Variants in MYLK3 observed in about 807,000 individuals in gnomAD.
MYLK3 encodes the protein myosin light chain kinase 3.
MYLK3 carries 55 observed loss-of-function variants against 76.3 expected under a neutral mutation model. That is an observed-to-expected ratio of 0.72 (90% confidence interval 0.58 to 0.90). The LOEUF (loss-of-function observed/expected upper bound fraction) is 0.90, where lower values mean the gene tolerates loss of function less well. Ranked by LOEUF, MYLK3 falls within the 40% of genes least tolerant of loss-of-function variation. The probability of loss-of-function intolerance (pLI) is 0.00; values close to 1 mark genes in which losing one functional copy is unlikely to be tolerated. For missense variants in MYLK3, 973 were observed against 1,053.6 expected, an observed-to-expected ratio of 0.92 and a Z score of 1.06; for synonymous variants, 416 against 425.4, an observed-to-expected ratio of 0.98 and a Z score of 0.27.
At chr16:46,709,721 C>T (rs1966663840) in intron 11 of MYLK3, 50 bp from the exon 12 acceptor site, 4 of 1,593,756 alleles carry the variant, frequency 2.5e-6, no homozygotes, top group African/African-American at 2.7e-5. Context: ...TGCCTTTTCT[C>T]ATCCAAAAAT....
In MYLK3 at chr16:46,728,074, CAT is replaced by C. The variant is rs79715723; in HGVS notation, c.1773-699_1773-698del. Among the ~76,000 whole-genome samples the C allele has an allele frequency of 1.2e-3, 188 of 152,340 alleles. 3 individuals are homozygous for C. The East Asian group carries it at 0.03, about 24-fold the overall frequency. On this transcript the variant is annotated intron_variant, in intron 7 of 12. Coordinates refer to ENST00000394809, the MANE Select transcript of MYLK3 (RefSeq NM_182493.3). ...ATGAAGCAAACATGTTCTGAAGACA[CAT>C]AGTCTTTCGCTTATCTTTTCTTTTT...
chr16:46,713,198 C>CG (rs1488658252), intron 9 of MYLK3, among the ~76,000 whole-genome samples: 1 of 38,624 alleles, frequency 2.6e-5, no homozygotes, highest in African/African-American at 7.5e-5. Flanking sequence ...ATATATGATG[C>CG]CTTTTTTTTT....
Position 46,730,597 on chromosome 16 carries a change from C to T in MYLK3, c.1564G>A (p.Gly522Arg). 1 of 1,613,986 alleles carries T rather than the reference C, an allele frequency of 6.2e-7. No individual in the cohort carries two copies. Among genetic ancestry groups the T allele is most frequent in the African/African-American group, 1.3e-5 (1 of 75,044 alleles). ...CCAAGGCAGATGCCCACCTACCCTC[C>T]CAAGACTTCGTGCTGGCACACCTCG... is the stretch of plus-strand genomic sequence containing the variant. ...GYEVCQHEVL[G>R]GGRFGQVHRC... The change falls in exon 5 of 13, where the codon GGA (glycine) becomes AGA (arginine). Residue 522 changes from glycine (G) to arginine (R), a missense_variant. Physicochemically the swap from Gly to Arg is moderately radical, Grantham distance 125. Around this residue, in one of 2 missense-constraint regions of MYLK3, gnomAD observed 332 missense variants for 416.6 expected, o/e 0.80. Coordinates refer to ENST00000394809, the MANE Select transcript of MYLK3 (RefSeq NM_182493.3).
chr16:46,732,184 T>A (rs1966853751), intron 4 of MYLK3, 24 bp downstream of exon 4: 1 of 1,545,748 alleles, frequency 6.5e-7, no homozygotes. Context: ...GGCTCGTGTC[T>A]AGCCAGGCAA....
intron 1 of MYLK3, among the ~76,000 whole-genome samples, chr16:46,742,360 C>T (rs1322233917): frequency 6.6e-6 from 1 of 151,712 alleles, no homozygotes; most frequent in Non-Finnish European, 1.5e-5. Flanking sequence ...AGTTCAAGAC[C>T]AGCCTGGCCA....
intron 9 of MYLK3, among the ~76,000 whole-genome samples, chr16:46,716,312 G>GGATA (rs916372474): frequency 6.6e-6 from 1 of 151,150 alleles, no homozygotes; most frequent in Non-Finnish European, 1.5e-5. Flanking sequence ...ATAGATAGAT[G>GGATA]GATAGATAGA....
At chr16:46,761,036 G>A (rs907564808) in intron 1 of MYLK3, among the ~76,000 whole-genome samples, 1 of 152,204 alleles carries the variant, frequency 6.6e-6, no homozygotes, top group African/African-American at 2.4e-5. Flanking sequence ...CAGCCACATG[G>A]TGCCAGCGAA....
chr16:46,703,960 T>C lies in MYLK3; in HGVS notation c.*3744A>G, dbSNP rs1966601366. The C allele has an allele frequency of 1.3e-5, 2 of 153,718 alleles. No individual in the cohort carries two copies. Among genetic ancestry groups the C allele is most frequent in the African/African-American group, 2.4e-5 (1 of 41,462 alleles). 9.5% of individuals were successfully genotyped at this position (153,718 alleles called of 1,614,324 possible). ...CATGTAAAAGTGGATACTTCAGTTA[T>C]TGGAAAACAGTGAGTTATGTTTCAA... On this transcript the variant is annotated 3_prime_UTR_variant, in exon 13 of 13. Coordinates refer to ENST00000394809, the MANE Select transcript of MYLK3 (RefSeq NM_182493.3).
At chr16:46,729,523 C>T (rs908316569) in intron 6 of MYLK3, 71 bp downstream of exon 6, 3 of 1,375,046 alleles carry the variant, frequency 2.2e-6, no homozygotes, top group Middle Eastern at 1.8e-4. Flanking sequence ...GCATGGGAGC[C>T]TGGGGGCCCT....
chr16:46,730,545 C>A (rs1194260886), intron 5 of MYLK3, 48 bp downstream of exon 5: 2 of 1,524,494 alleles, frequency 1.3e-6, no homozygotes, highest in African/African-American at 1.4e-5. Flanking sequence ...CGACCCTGCC[C>A]CGTGACTCCT....
At chr16:46,745,015 GA>G (rs766600239) in intron 1 of MYLK3, among the ~76,000 whole-genome samples, 47 of 143,546 alleles carry the variant, frequency 3.3e-4, no homozygotes, top group African/African-American at 5.3e-4. Flanking sequence ...GGGGAAAAGA[GA>G]AAAAAAAAAA....
At chr16:46,711,592 C>T in intron 10 of MYLK3, 1 of 407,054 alleles carries the variant, frequency 2.5e-6, no homozygotes, top group Non-Finnish European at 4.8e-6. Context: ...CTCACCGCAG[C>T]CTCAAACTCC....
At chr16:46,759,471 C>A (rs1389158720) in intron 1 of MYLK3, among the ~76,000 whole-genome samples, 1 of 152,100 alleles carries the variant, frequency 6.6e-6, no homozygotes, top group Non-Finnish European at 1.5e-5. Context: ...CACAACAATT[C>A]TAGGAGGAAA....
chr16:46,738,178 C>T (rs1307277273), intron 2 of MYLK3, 35 bp from the exon 3 acceptor site: 6 of 1,460,536 alleles, frequency 4.1e-6, no homozygotes, highest in Middle Eastern at 1.8e-4. Context: ...AATGCACTCC[C>T]ATGTGGAGGA....
Position 46,737,964 on chromosome 16 carries a change from C to G in MYLK3, c.748G>C (p.Ala250Pro). ...AGGTTCTCGCTGGGTGTCTCAGGAG[C>G]CTTGGCTTCCACCTTTGTGGGCAGG... is the stretch of plus-strand genomic sequence containing the variant. ...LPLPTKVEAKAPETPSENLRT... is the reference protein window; with the variant it reads ...LPLPTKVEAKPPETPSENLRT... Residue 250 changes from alanine (A) to proline (P), a missense_variant, in exon 3 of 13, where the codon GCT becomes CCT. Transcript: ENST00000394809. 2 of 1,614,136 alleles carry G rather than the reference C, an allele frequency of 1.2e-6. No homozygotes were observed. Among genetic ancestry groups the G allele is most frequent in the East Asian group, 2.2e-5 (1 of 44,886 alleles).
At chr16:46,740,271 A>C in intron 1 of MYLK3, 124 bp from the exon 2 acceptor site, 1 of 709,340 alleles carries the variant, frequency 1.4e-6, no homozygotes, top group Non-Finnish European at 2.5e-6. Context: ...ACACAGTCTC[A>C]CAGTAACATT....
intron 8 of MYLK3, among the ~76,000 whole-genome samples, chr16:46,725,606 A>G (rs563643005): frequency 6.6e-6 from 1 of 152,216 alleles, no homozygotes; most frequent in Non-Finnish European, 1.5e-5. Context: ...CCAACCTTGC[A>G]TTCTTGGGAT....
At chr16:46,711,560 G>C (rs749267784) in intron 10 of MYLK3, 18 of 325,528 alleles carry the variant, frequency 5.5e-5, no homozygotes, top group Non-Finnish European at 1.0e-4. Flanking sequence ...ACCCAGGCTG[G>C]AGTGCTATGG....
rs571517233 is a variant in MYLK3, at chr16:46,702,601, T to C, written c.*5103A>G. 6.6e-6 allele frequency among the ~76,000 whole-genome samples: 1 copy of C among 152,198 alleles called. No homozygotes were observed. Among genetic ancestry groups the C allele is most frequent in the Non-Finnish European group, 1.5e-5 (1 of 68,038 alleles). On this transcript the variant is annotated 3_prime_UTR_variant, in exon 13 of 13. Transcript: ENST00000394809. Reference sequence around the variant, plus strand: ...GTCAACACAAGGTTCACACTTGACATTGAGTTGTGAATTTTTAATTATAAA... The same window carrying C: ...GTCAACACAAGGTTCACACTTGACACTGAGTTGTGAATTTTTAATTATAAA...
Sources: gnomAD v4.1 joint callset for allele counts (sites outside exome capture counted in the v4.1 genomes callset) on GRCh38, gnomAD v4.1.1 for gene constraint, gnomAD v4.1.1 regional missense constraint, MANE v1.5 for transcripts, NCBI Gene and HGNC (gene_info 2026-07-23, HGNC 2026-07-21) for gene names.